The following SDK1 variants were observed in gnomAD, a reference collection of about 807,000 sequenced individuals.
SDK1 encodes the protein sidekick cell adhesion molecule 1.
SDK1 carries 157 observed loss-of-function variants against 245.5 expected under a neutral mutation model. That is an observed-to-expected ratio of 0.64 (90% CI 0.56 to 0.73). The LOEUF is 0.73. Ranked by LOEUF, SDK1 falls within the 30% of genes least tolerant of loss-of-function variation. SDK1 has a pLI of 0.00. For synonymous variants in SDK1, 1,647 were observed against 1,278.5 expected, an observed-to-expected ratio of 1.29 and a Z score of -6.15; for missense variants, 3,583 against 3,002.3, an observed-to-expected ratio of 1.19 and a Z score of -4.52.
At chr7:3,846,612 T>C (rs1043861591) in intron 5 of SDK1, among the ~76,000 whole-genome samples, 4 of 152,234 alleles carry the variant, frequency 2.6e-5, no homozygotes, top group Non-Finnish European at 5.9e-5. Flanking sequence ...GGACTCATTC[T>C]TATTTACCTC....
At chr7:3,394,512 A>G (rs1781842966) in intron 1 of SDK1, among the ~76,000 whole-genome samples, 1 of 151,898 alleles carries the variant, frequency 6.6e-6, no homozygotes, top group Admixed American at 6.6e-5. Flanking sequence ...AATGTTTTGC[A>G]TTTTCATTTG....
chr7:4,204,679 G>A (rs116805259), intron 35 of SDK1, among the ~76,000 whole-genome samples: 10,747 of 152,186 alleles, frequency 0.071, 400 homozygotes, highest in Middle Eastern at 0.11. Flanking sequence ...TCAAAAGGCT[G>A]CACTCCTGGG....
chr7:4,245,536 C>T, intron 43 of SDK1, 140 bp from the exon 44 acceptor site: 1 of 911,078 alleles, frequency 1.1e-6, no homozygotes, highest in South Asian at 1.7e-5. Flanking sequence ...GAATTTTTTG[C>T]ATCAGTTGCC....
At chr7:3,588,167 T>C (rs2614967) in intron 1 of SDK1, among the ~76,000 whole-genome samples, 102,035 of 152,100 alleles carry the variant, frequency 0.67, 34,950 homozygotes, top group African/African-American at 0.81. Context: ...TGACTTATTA[T>C]AATCTGATTT....
At chr7:3,731,876 C>T (rs934304915) in intron 4 of SDK1, among the ~76,000 whole-genome samples, 8 of 152,156 alleles carry the variant, frequency 5.3e-5, no homozygotes, top group African/African-American at 1.9e-4. Context: ...ACTGCAACCT[C>T]CACTTCCCAG....
intron 28 of SDK1, among the ~76,000 whole-genome samples, chr7:4,138,640 G>A (rs1157029669): frequency 6.6e-6 from 1 of 151,926 alleles, no homozygotes; most frequent in Non-Finnish European, 1.5e-5. Flanking sequence ...CCACCTACTT[G>A]GGAGGCTGAG....
At chr7:3,593,621 C>A (rs1167339044) in intron 1 of SDK1, among the ~76,000 whole-genome samples, 4 of 152,140 alleles carry the variant, frequency 2.6e-5, no homozygotes, top group Non-Finnish European at 5.9e-5. Context: ...TACTGGGGAA[C>A]CTCTTGAGTC....
At chr7:3,618,970 C>T (rs1309200123) in intron 1 of SDK1, 110 bp from the exon 2 acceptor site, 3 of 886,858 alleles carry the variant, frequency 3.4e-6, no homozygotes, top group Admixed American at 2.7e-5. Flanking sequence ...AAACAGCCAT[C>T]ACTTTCATTT....
At chr7:4,163,693 C>T (rs1000344274) in intron 32 of SDK1, among the ~76,000 whole-genome samples, 1 of 152,210 alleles carries the variant, frequency 6.6e-6, no homozygotes, top group South Asian at 2.1e-4. Context: ...CAGCGCCAGC[C>T]GCAGCCTTCC....
At chr7:3,505,497 C>T (rs777029237) in intron 1 of SDK1, among the ~76,000 whole-genome samples, 10 of 152,192 alleles carry the variant, frequency 6.6e-5, no homozygotes, top group African/African-American at 1.7e-4. Flanking sequence ...GCAAACCTCC[C>T]ACCTAGGCCT....
At position 3,702,408 on chromosome 7, in the gene SDK1, T is replaced by C. The variant is rs572666414; in HGVS notation, c.713+60303T>C. Among the ~76,000 whole-genome samples the C allele has an allele frequency of 2.6e-5, 4 of 152,336 alleles. No homozygotes were observed. The South Asian group carries it at 8.3e-4, about 32-fold the overall frequency. On this transcript the variant is annotated intron_variant, in intron 4 of 44. Transcript: ENST00000404826. ...TTTTCAACTCACTTCTTGGAAGTGA[T>C]GATGGAAGTGTGTATTCGTGGCTCC...
intron 22 of SDK1, among the ~76,000 whole-genome samples, chr7:4,102,501 G>C (rs907256879): frequency 3.3e-5 from 5 of 152,082 alleles, no homozygotes; most frequent in Admixed American, 3.3e-4. Context: ...ACCTCCTCAC[G>C]TCCCTCCTCC....
intron 1 of SDK1, among the ~76,000 whole-genome samples, chr7:3,331,612 T>G (rs1196788409): frequency 6.6e-6 from 1 of 152,216 alleles, no homozygotes; most frequent in Non-Finnish European, 1.5e-5. Flanking sequence ...GCAAAAGCGT[T>G]TAATTCTGAT....
rs1346170656 is a variant in SDK1, at chr7:3,824,230, G to A, written c.847+2647G>A. On this transcript the variant is annotated intron_variant, in intron 5 of 44. Transcript: ENST00000404826. ...TGATACTGGGAGTAAGATAGAGTGT[G>A]TTCTGCAGACTTAGATATCTTTTTC... 2.0e-5 allele frequency among the ~76,000 whole-genome samples: 3 copies of A among 152,230 alleles called. No homozygotes were observed. The East Asian group carries it at 5.8e-4, about 29-fold the overall frequency.
chr7:4,247,909 A>G (rs1187622583), intron 44 of SDK1, among the ~76,000 whole-genome samples: 2 of 152,064 alleles, frequency 1.3e-5, no homozygotes, highest in African/African-American at 4.8e-5. Context: ...CCAGCCCCAC[A>G]CCAGAGGAAG....
Position 3,642,103 on chromosome 7 carries a change from A to C in SDK1, c.711A>C (p.Arg237Ser), listed in dbSNP as rs372662685. 6 of 1,613,948 alleles carry C rather than the reference A, an allele frequency of 3.7e-6. No individual in the cohort carries two copies. Among genetic ancestry groups the C allele is most frequent in the Non-Finnish European group, 1.7e-6 (2 of 1,179,924 alleles). ...GGCACAAGATTATTCCAAGCAACAG[A>C]ATGTAAGTTGCTCCAAACGTTAAAG... ...REGHKIIPSN[R>S]IAITLENQLV... The change falls in exon 4 of 45, where the codon AGA becomes AGC. Residue 237 changes from arginine (R) to serine (S), a missense_variant and splice_region_variant. By Grantham distance (110) the Arg-to-Ser change is moderately radical (BLOSUM62 -1). Transcript: ENST00000404826.
chr7:3,557,216 A>T (rs1562561233), intron 1 of SDK1, among the ~76,000 whole-genome samples: 4 of 152,162 alleles, frequency 2.6e-5, no homozygotes, highest in Non-Finnish European at 5.9e-5. Flanking sequence ...AACAAAATCG[A>T]GAGGAAAAGA....
At chr7:3,558,122 G>T (rs565223615) in intron 1 of SDK1, among the ~76,000 whole-genome samples, 2 of 150,346 alleles carry the variant, frequency 1.3e-5, no homozygotes, top group East Asian at 4.0e-4. Flanking sequence ...CTATTGAAAT[G>T]GCCGGTATAG....
chr7:3,549,654 G>C (rs1486143576), intron 1 of SDK1, among the ~76,000 whole-genome samples: 2 of 152,050 alleles, frequency 1.3e-5, no homozygotes, highest in Admixed American at 1.3e-4. Context: ...CTACTTTTTA[G>C]CAAAGACTTA....
Sources: gnomAD v4.1 joint callset for allele counts (sites outside exome capture counted in the v4.1 genomes callset) on GRCh38, gnomAD v4.1.1 for gene constraint, MANE v1.5 for transcripts, NCBI Gene and HGNC (gene_info 2026-07-23, HGNC 2026-07-21) for gene names.